The following JOSD2 variants were observed in gnomAD, a reference collection of about 807,000 sequenced individuals.
JOSD2 encodes Josephin domain containing 2.
JOSD2 carries 20 observed loss-of-function variants against 19.3 expected under a neutral mutation model. That is an observed-to-expected ratio of 1.04 (90% CI 0.73 to 1.51). JOSD2 has a LOEUF of 1.51. JOSD2 is among the 40% of genes most tolerant of loss of function. The probability of loss-of-function intolerance (pLI) is 0.00; values close to 1 mark genes in which losing one functional copy is unlikely to be tolerated. For missense variants in JOSD2, 215 were observed against 250.4 expected (o/e 0.86, Z 0.95); for synonymous variants, 118 against 123.7 (o/e 0.95, Z 0.31).
chr19:50,510,457 T>G lies in JOSD2; in HGVS notation c.-17-9A>C, dbSNP rs972877964. 1.3e-6 allele frequency: 2 copies of G among 1,588,656 alleles called. No homozygotes were observed. The highest frequency in any genetic ancestry group is 1.7e-6 in the Non-Finnish European group (2 of 1,168,192). On this transcript the variant is annotated splice_polypyrimidine_tract_variant and intron_variant, in intron 1 of 4. Coordinates refer to ENST00000598418, the MANE Select transcript of JOSD2 (RefSeq NM_001270639.2). ...GCCGTCCTCGGCTCCTGCTGGGGGTTGGGAGGGGGAGAAGGTCCTCAGGGG... is the reference window on the plus strand; with the variant it reads ...GCCGTCCTCGGCTCCTGCTGGGGGTGGGGAGGGGGAGAAGGTCCTCAGGGG...
At chr19:50,506,709 C>G (rs570340996) in intron 3 of JOSD2, 137 bp from the exon 4 acceptor site, 216 of 762,442 alleles carry the variant, frequency 2.8e-4, no homozygotes, top group African/African-American at 1.4e-3. Flanking sequence ...AATCAGCCAC[C>G]CTGGTTCCCG....
chr19:50,510,137 T>A, intron 2 of JOSD2, 149 bp downstream of exon 2: 2 of 776,772 alleles, frequency 2.6e-6, no homozygotes, highest in Non-Finnish European at 3.9e-6. Context: ...GGAGGCAACA[T>A]CTCCCCAGAG....
At chr19:50,507,968 C>A (rs1478573675) in intron 2 of JOSD2, 1 of 534,862 alleles carries the variant, frequency 1.9e-6, no homozygotes, top group South Asian at 2.0e-5. Flanking sequence ...TCTCCTGCCC[C>A]AACTCTGCCC....
chr19:50,507,430 C>T, intron 3 of JOSD2, 144 bp downstream of exon 3: 2 of 1,148,742 alleles, frequency 1.7e-6, no homozygotes, highest in Non-Finnish European at 2.5e-6. Context: ...CCTGATCTCC[C>T]CCTTTCAACC....
chr19:50,509,626 G>A (rs1223173420), intron 2 of JOSD2, among the ~76,000 whole-genome samples: 1 of 152,116 alleles, frequency 6.6e-6, no homozygotes, highest in Admixed American at 6.6e-5. Flanking sequence ...AGGATGGACT[G>A]GAGAGCTGTG....
At chr19:50,509,925 T>C (rs1601351942) in intron 2 of JOSD2, among the ~76,000 whole-genome samples, 1 of 149,412 alleles carries the variant, frequency 6.7e-6, no homozygotes, top group Non-Finnish European at 1.5e-5. Flanking sequence ...TGGTGGCGGG[T>C]GCCTGTAGTC....
At chr19:50,508,243 CCT>C (rs528888638) in intron 2 of JOSD2, among the ~76,000 whole-genome samples, 635 of 152,344 alleles carry the variant, frequency 4.2e-3, no homozygotes, top group Non-Finnish European at 7.0e-3. Flanking sequence ...GATGTCACGT[CCT>C]CTGAGAGGAG....
rs1430748818 is a variant in JOSD2 at position 50,506,160 on chromosome 19, T to C, written c.*13A>G. On this transcript the variant is annotated 3_prime_UTR_variant, in exon 5 of 5. Coordinates refer to ENST00000598418, the MANE Select transcript of JOSD2 (RefSeq NM_001270639.2). The stretch of plus-strand genomic sequence containing the variant: ...GCAGGGACTGCGCTGTGGGCGCCGA[T>C]GGTCAGCCATGGTCAGTCTGTCCGC... 3.7e-6 allele frequency: 6 copies of C among 1,610,964 alleles called. No individual in the cohort carries two copies. Among genetic ancestry groups the C allele is most frequent in the Non-Finnish European group, 5.1e-6 (6 of 1,178,786 alleles).
At chr19:50,510,154 C>T in intron 2 of JOSD2, 132 bp downstream of exon 2, 4 of 1,061,438 alleles carry the variant, frequency 3.8e-6, no homozygotes, top group East Asian at 2.6e-5. Context: ...AGAGTCCCAG[C>T]GTCTAGCTTA....
At chr19:50,509,281 C>T (rs371207575) in intron 2 of JOSD2, among the ~76,000 whole-genome samples, 25 of 151,830 alleles carry the variant, frequency 1.6e-4, no homozygotes, top group South Asian at 1.5e-3. Flanking sequence ...TTAGTAGAGA[C>T]GGGGTTTCGC....
intron 1 of JOSD2, among the ~76,000 whole-genome samples, chr19:50,510,857 C>A (rs1979781848): frequency 6.6e-6 from 1 of 151,870 alleles, no homozygotes; most frequent in Non-Finnish European, 1.5e-5. Context: ...AATAGAGAAT[C>A]CTCCTCCCCT....
chr19:50,508,698 CGTGTGTGTGTGTGTGTGT>C (rs58475114), intron 2 of JOSD2, among the ~76,000 whole-genome samples: 9 of 140,910 alleles, frequency 6.4e-5, no homozygotes, highest in East Asian at 2.1e-4. Context: ...GGAAAACGCT[CGTGTGTGTGTGTGTGTGT>C]GTGTGTGTGT....
chr19:50,509,791 C>T lies in JOSD2; in HGVS notation c.146+495G>A, dbSNP rs577543427. Among the ~76,000 whole-genome samples the T allele has an allele frequency of 5.9e-5, 9 of 151,998 alleles. No individual in the cohort carries two copies. The South Asian group carries it at 1.5e-3, about 25-fold the overall frequency. ...CCACTGGGCCGGGTGCAGTGGCTCA[C>T]GCCTGTAATCCTAGCACTTTGGGAG... On this transcript the variant is annotated intron_variant, in intron 2 of 4. Coordinates refer to ENST00000598418, the MANE Select transcript of JOSD2 (RefSeq NM_001270639.2).
intron 2 of JOSD2, 58 bp downstream of exon 2, chr19:50,510,228 A>G (rs1165868144): frequency 6.2e-7 from 1 of 1,609,930 alleles, no homozygotes. Context: ...GGCGAGACCC[A>G]GGTGGGTCAC....
chr19:50,506,316 C>A, intron 4 of JOSD2, 44 bp from the exon 5 acceptor site: 2 of 1,609,612 alleles, frequency 1.2e-6, no homozygotes, highest in Non-Finnish European at 1.7e-6. Context: ...CCAGCCTGGG[C>A]ATTCCGTCTG....
intron 1 of JOSD2, 38 bp from the exon 2 acceptor site, chr19:50,510,486 G>C: frequency 6.5e-7 from 1 of 1,532,990 alleles, no homozygotes; most frequent in Non-Finnish European, 8.8e-7. Context: ...TCAGGGGCCC[G>C]GGATCTAGAG....
At chr19:50,506,645 G>A in intron 3 of JOSD2, 73 bp from the exon 4 acceptor site, 1 of 1,380,232 alleles carries the variant, frequency 7.2e-7, no homozygotes. Flanking sequence ...TGAACATGTG[G>A]GGCCCAGGCT....
In JOSD2 at chr19:50,507,692, G is replaced by C; in HGVS notation, c.154C>G (p.Pro52Ala). ...AADEICKRLAPDSRLNPHRSL... is the reference protein window; with the variant it reads ...AADEICKRLAADSRLNPHRSL... ...CGATGAGGGTTCAGCCGGGAGTCTG[G>C]GGCCAACCTGGTAGTGGGGGTGGCC... The change falls in exon 3 of 5, where the codon CCA becomes GCA. Residue 52 changes from proline to alanine, a missense_variant. Coordinates refer to ENST00000598418, the MANE Select transcript of JOSD2 (RefSeq NM_001270639.2). The C allele has an allele frequency of 6.2e-7, 1 of 1,610,920 alleles. No individual in the cohort carries two copies. Among genetic ancestry groups the C allele is most frequent in the Non-Finnish European group, 8.5e-7 (1 of 1,179,398 alleles).
In JOSD2 at chr19:50,510,280, G is replaced by A; in HGVS notation, c.146+6C>T. 4 of 1,613,224 alleles carry A rather than the reference G, an allele frequency of 2.5e-6. No individual in the cohort carries two copies. Among genetic ancestry groups the A allele is most frequent in the Non-Finnish European group, 3.4e-6 (4 of 1,179,974 alleles). ...TGCTCCAGGGGCTGGGGTGGGTGAC[G>A]GTCACCTCTTGCAGATCTCATCGGC... On this transcript the variant is annotated splice_donor_region_variant and intron_variant, in intron 2 of 4. Transcript: ENST00000598418.
Sources: gnomAD v4.1 joint callset for allele counts (sites outside exome capture counted in the v4.1 genomes callset) on GRCh38, gnomAD v4.1.1 for gene constraint, MANE v1.5 for transcripts, NCBI Gene and HGNC (gene_info 2026-07-23, HGNC 2026-07-21) for gene names.